The following WWOX variants were observed in gnomAD, a reference collection of about 807,000 sequenced individuals.
WWOX encodes the protein WW domain containing oxidoreductase.
Under a neutral mutation model 46.2 loss-of-function variants are expected in WWOX, and 69 were observed. That is an observed-to-expected ratio of 1.49 (90% CI 1.23 to 1.82). The LOEUF (loss-of-function observed/expected upper bound fraction) is 1.82, where lower values mean the gene tolerates loss of function less well. Among genes scored for constraint, WWOX ranks in the 40% most tolerant of loss-of-function variants. The pLI is 0.00. For missense variants in WWOX, 919 were observed against 542.6 expected, an observed-to-expected ratio of 1.69 and a Z score of -6.89; for synonymous variants, 359 against 202.6, an observed-to-expected ratio of 1.77 and a Z score of -6.56.
At chr16:79,015,330 C>A (rs1482273758) in intron 8 of WWOX, among the ~76,000 whole-genome samples, 3 of 152,156 alleles carry the variant, frequency 2.0e-5, no homozygotes, top group Admixed American at 6.5e-5. Context: ...TCCAGTGCCA[C>A]CATGATTTCC....
At chr16:78,452,052 T>A (rs74030279) in intron 8 of WWOX, among the ~76,000 whole-genome samples, 11,161 of 152,308 alleles carry the variant, frequency 0.073, 496 homozygotes, top group East Asian at 0.21. Context: ...TCTCTGCATG[T>A]TCTTTCTTTA....
intron 8 of WWOX, among the ~76,000 whole-genome samples, chr16:79,067,945 A>T (rs1407991617): frequency 6.6e-6 from 1 of 152,186 alleles, no homozygotes. Context: ...AGGCACCTAA[A>T]TCAGCCAATA....
At chr16:79,120,328 CA>C (rs2049603261) in intron 8 of WWOX, among the ~76,000 whole-genome samples, 1 of 152,140 alleles carries the variant, frequency 6.6e-6, no homozygotes, top group Non-Finnish European at 1.5e-5. Flanking sequence ...CTGTCAGGCG[CA>C]TTTACCCTAC....
intron 8 of WWOX, among the ~76,000 whole-genome samples, chr16:79,150,880 A>G (rs1447221824): frequency 6.6e-6 from 1 of 152,150 alleles, no homozygotes; most frequent in Non-Finnish European, 1.5e-5. Context: ...AATAAAATAC[A>G]TCCGCAGTCC....
chr16:78,721,497 C>T (rs1164058354), intron 8 of WWOX, among the ~76,000 whole-genome samples: 1 of 152,168 alleles, frequency 6.6e-6, no homozygotes, highest in South Asian at 2.1e-4. Context: ...AACTCTATTG[C>T]TGGTGGCGGG....
chr16:78,788,804 CTGGGGGTA>C (rs1283696683), intron 8 of WWOX, among the ~76,000 whole-genome samples: 1 of 152,166 alleles, frequency 6.6e-6, no homozygotes, highest in Admixed American at 6.5e-5. Context: ...CTATTGGTGT[CTGGGGGTA>C]TGGGGGGCAG....
chr16:79,184,229 A>G lies in WWOX; in HGVS notation c.1057-27379A>G, dbSNP rs115066882. Among the ~76,000 whole-genome samples the G allele has an allele frequency of 5.6e-3, 851 of 152,330 alleles. 5 individuals are homozygous for G. Among genetic ancestry groups the G allele is most frequent in the African/African-American group, 0.019 (798 of 41,582 alleles). The stretch of plus-strand genomic sequence containing the variant: ...TCAGATGCAGTTAGTGTAACAGTCT[A>G]TAGTAACAGTGTAGACTATTAGTTT... On this transcript the variant is annotated intron_variant, in intron 8 of 8. Transcript: ENST00000566780.
At chr16:79,157,838 G>A (rs562668723) in intron 8 of WWOX, among the ~76,000 whole-genome samples, 2 of 152,322 alleles carry the variant, frequency 1.3e-5, no homozygotes, top group African/African-American at 2.4e-5. Flanking sequence ...AGGACTGAAC[G>A]AGGCAGGGTA....
chr16:78,867,221 C>T (rs1399633759), intron 8 of WWOX, among the ~76,000 whole-genome samples: 1 of 152,190 alleles, frequency 6.6e-6, no homozygotes, highest in South Asian at 2.1e-4. Flanking sequence ...TGGGGGAGTG[C>T]AAGAAGTTTA....
chr16:78,999,987 ATGGC>A (rs1453669081), intron 8 of WWOX, among the ~76,000 whole-genome samples: 3 of 152,170 alleles, frequency 2.0e-5, no homozygotes, highest in Non-Finnish European at 2.9e-5. Flanking sequence ...ATGAAAAATA[ATGGC>A]ATCTATGATC....
At chr16:78,667,360 C>G (rs117198700) in intron 8 of WWOX, among the ~76,000 whole-genome samples, 4 of 152,070 alleles carry the variant, frequency 2.6e-5, no homozygotes, top group Non-Finnish European at 5.9e-5. Flanking sequence ...TTTTTGCATC[C>G]TACTTTTTTT....
At chr16:78,199,965 T>C (rs2036182447) in intron 5 of WWOX, among the ~76,000 whole-genome samples, 1 of 152,230 alleles carries the variant, frequency 6.6e-6, no homozygotes, top group African/African-American at 2.4e-5. Flanking sequence ...TATTTATGTA[T>C]GGAGCCACAA....
intron 8 of WWOX, among the ~76,000 whole-genome samples, chr16:78,852,750 C>G (rs1320121221): frequency 6.6e-6 from 1 of 152,170 alleles, no homozygotes; most frequent in Non-Finnish European, 1.5e-5. Flanking sequence ...AATGTAATAG[C>G]TTAATAACAA....
chr16:78,171,978 T>C (rs990259345), intron 5 of WWOX, among the ~76,000 whole-genome samples: 1 of 152,208 alleles, frequency 6.6e-6, no homozygotes, highest in Admixed American at 6.5e-5. Flanking sequence ...AAAGTATTTA[T>C]ATTATGTGTG....
intron 8 of WWOX, among the ~76,000 whole-genome samples, chr16:79,083,423 C>T (rs2048797345): frequency 6.6e-6 from 1 of 152,136 alleles, no homozygotes; most frequent in Non-Finnish European, 1.5e-5. Flanking sequence ...TCCCTGTTGG[C>T]CATTACTAAT....
chr16:78,825,708 C>A, intron 8 of WWOX: 1 of 555,642 alleles, frequency 1.8e-6, no homozygotes, highest in South Asian at 1.7e-5. Flanking sequence ...ACTCTGAGGA[C>A]AGAGGGTCAA....
chr16:78,672,792 G>A (rs1003617747), intron 8 of WWOX, among the ~76,000 whole-genome samples: 2 of 152,330 alleles, frequency 1.3e-5, no homozygotes, highest in South Asian at 4.1e-4. Flanking sequence ...CAGCTCTTGA[G>A]TTTCCAATGA....
chr16:78,530,325 A>G (rs1329422585), intron 8 of WWOX, among the ~76,000 whole-genome samples: 1 of 152,224 alleles, frequency 6.6e-6, no homozygotes, highest in Non-Finnish European at 1.5e-5. Context: ...TCCAGTGTCC[A>G]GGAGGAACGA....
intron 8 of WWOX, among the ~76,000 whole-genome samples, chr16:78,576,307 C>G (rs566333504): frequency 2.0e-5 from 3 of 152,282 alleles, no homozygotes; most frequent in South Asian, 4.1e-4. Context: ...CACAAAATGT[C>G]CAGCTTTCTT....
Sources: gnomAD v4.1 joint callset for allele counts (sites outside exome capture counted in the v4.1 genomes callset) on GRCh38, gnomAD v4.1.1 for gene constraint, MANE v1.5 for transcripts, NCBI Gene and HGNC (gene_info 2026-07-23, HGNC 2026-07-21) for gene names.